The following ARHGAP29 variants were observed in gnomAD, a reference collection of about 807,000 sequenced individuals.
ARHGAP29 encodes Rho GTPase activating protein 29, also known as rho GTPase-activating protein 29.
In ARHGAP29, 43 loss-of-function variants were observed where a neutral mutation model predicts 122.6. That is an observed-to-expected ratio of 0.35 (90% CI 0.27 to 0.45). The LOEUF is 0.45. ARHGAP29 is among the 20% of genes least tolerant of loss of function. The pLI is 1.00. For synonymous variants in ARHGAP29, 506 were observed against 497.1 expected (o/e 1.02, Z -0.24); for missense variants, 1,303 against 1,477.2 (o/e 0.88, Z 1.93).
At chr1:94,310,794 G>C in the ARHGAP29 span, among the ~76,000 whole-genome samples, 6 of 152,052 alleles carry the variant, frequency 3.9e-5, no homozygotes, top group Non-Finnish European at 8.8e-5. Flanking sequence ...GGGGGCAGGA[G>C]AGGGGGAGTC....
chr1:94,253,667 C>CGCACGCACAT (rs1654211486), intron 1 of ARHGAP29, among the ~76,000 whole-genome samples: 1 of 152,058 alleles, frequency 6.6e-6, no homozygotes, highest in Admixed American at 6.6e-5. Context: ...CACGCACGCA[C>CGCACGCACAT]GCACATGCAC....
chr1:94,202,466 G>A, intron 11 of ARHGAP29, 78 bp downstream of exon 11: 1 of 1,544,734 alleles, frequency 6.5e-7, no homozygotes, highest in Non-Finnish European at 8.8e-7. Context: ...AGTCTTGGCA[G>A]ACGCAGAACT....
chr1:94,269,259 T>C (rs372447856), intron 1 of ARHGAP29, among the ~76,000 whole-genome samples: 11 of 152,336 alleles, frequency 7.2e-5, no homozygotes, highest in Admixed American at 3.9e-4. Context: ...TGTCAGGCAT[T>C]GTGCTAGGTT....
chr1:94,207,428 A>G (rs1455915514), intron 5 of ARHGAP29, among the ~76,000 whole-genome samples: 1 of 152,120 alleles, frequency 6.6e-6, no homozygotes, highest in African/African-American at 2.4e-5. Context: ...AAAAAAGTAC[A>G]AAAGAAAAAA....
the ARHGAP29 span, among the ~76,000 whole-genome samples, chr1:94,305,133 A>T: frequency 9.2e-5 from 14 of 152,356 alleles, no homozygotes; most frequent in African/African-American, 3.4e-4. Context: ...ATCATGTATA[A>T]GCCCCTAAAC....
chr1:94,274,461 G>T (rs1255851242), intron 1 of ARHGAP29, among the ~76,000 whole-genome samples: 1 of 152,178 alleles, frequency 6.6e-6, no homozygotes, highest in Admixed American at 6.5e-5. Context: ...AATTCTAACC[G>T]AGTTGAATCT....
chr1:94,286,750 T>C, the ARHGAP29 span, among the ~76,000 whole-genome samples: 1 of 152,036 alleles, frequency 6.6e-6, no homozygotes, highest in African/African-American at 2.4e-5. Flanking sequence ...GGAAATAGAA[T>C]AAACAAGGTC....
At chr1:94,310,319 A>C in the ARHGAP29 span, among the ~76,000 whole-genome samples, 1 of 152,238 alleles carries the variant, frequency 6.6e-6, no homozygotes, top group African/African-American at 2.4e-5. Context: ...CAGGTGAAGA[A>C]GGGCTTCTAC....
rs1432866683 is a variant in ARHGAP29 at position 94,171,637 on chromosome 1, A to T, written c.*2232T>A. 6.6e-6 allele frequency: 1 copy of T among 152,244 alleles called. No homozygotes were observed. The highest frequency in any genetic ancestry group is 2.4e-5 in the African/African-American group (1 of 41,466). 9.4% of individuals were successfully genotyped at this position (152,244 alleles called of 1,614,324 possible). The stretch of plus-strand genomic sequence containing the variant: ...AGAAATAGCAACCTCTTCTCAAGAG[A>T]TACTTGCCTCAGGGCCCCAGGAAAC... On this transcript the variant is annotated 3_prime_UTR_variant, in exon 23 of 23. Transcript: ENST00000260526.
intron 12 of ARHGAP29, among the ~76,000 whole-genome samples, chr1:94,197,277 T>C (rs1370927677): frequency 1.3e-5 from 2 of 151,508 alleles, no homozygotes; most frequent in African/African-American, 2.4e-5. Flanking sequence ...AAAGGACCAA[T>C]TCCATGAAAG....
At position 94,173,849 on chromosome 1, in the gene ARHGAP29, A is replaced by T. The variant is rs922612241; in HGVS notation, c.*20T>A. 4 of 1,567,630 alleles carry T rather than the reference A, an allele frequency of 2.6e-6. No individual in the cohort carries two copies. Among genetic ancestry groups the T allele is most frequent in the Non-Finnish European group, 3.5e-6 (4 of 1,156,124 alleles). Reference sequence around the variant, plus strand: ...CAAAATAACACAACAACAACAAAAAAACCCTGAAATTTGACATCCCTACAC... The same window carrying T: ...CAAAATAACACAACAACAACAAAAATACCCTGAAATTTGACATCCCTACAC... On this transcript the variant is annotated 3_prime_UTR_variant, in exon 23 of 23. Transcript: ENST00000260526.
intron 3 of ARHGAP29, among the ~76,000 whole-genome samples, chr1:94,211,104 G>A (rs1651574176): frequency 6.6e-6 from 1 of 151,368 alleles, no homozygotes; most frequent in Non-Finnish European, 1.5e-5. Context: ...GGGCAACATG[G>A]CGAAACCCCA....
At chr1:94,203,661 G>A (rs911370768) in intron 8 of ARHGAP29, among the ~76,000 whole-genome samples, 1 of 152,208 alleles carries the variant, frequency 6.6e-6, no homozygotes. Flanking sequence ...TTGAGCCTCG[G>A]GGGACAGAGG....
At chr1:94,232,198 T>C (rs568493730) in intron 1 of ARHGAP29, among the ~76,000 whole-genome samples, 1 of 152,292 alleles carries the variant, frequency 6.6e-6, no homozygotes, top group Admixed American at 6.5e-5. Context: ...GATCTATTCA[T>C]CTCTTTACTT....
intron 1 of ARHGAP29, among the ~76,000 whole-genome samples, chr1:94,246,731 AC>A (rs1653812360): frequency 6.6e-6 from 1 of 152,146 alleles, no homozygotes; most frequent in Admixed American, 6.5e-5. Context: ...CCCTGGGAAC[AC>A]CGGGTTTCTA....
At chr1:94,242,563 C>T (rs1570595727), upstream of ARHGAP29, among the ~76,000 whole-genome samples, 1 of 145,930 alleles carries the variant, frequency 6.9e-6, no homozygotes, top group South Asian at 2.2e-4. Flanking sequence ...CTAAAATCTC[C>T]AGAGATAAAG....
the ARHGAP29 span, among the ~76,000 whole-genome samples, chr1:94,287,843 T>C: frequency 3.9e-5 from 6 of 151,984 alleles, no homozygotes; most frequent in African/African-American, 1.5e-4. Context: ...ATCCTTTTTT[T>C]ATGGCTGCAT....
Position 94,173,718 on chromosome 1 carries a change from C to CCAACAGAGGATAAATACAA in ARHGAP29, c.*132_*150dup. On this transcript the variant is annotated 3_prime_UTR_variant, in exon 23 of 23. Coordinates refer to ENST00000260526, the MANE Select transcript of ARHGAP29 (RefSeq NM_004815.4). Reference sequence around the variant, plus strand: ...CAAAACATTCTACCATTCAGTATTACCAACAGAGGATAAATACAACAACAA... The same window carrying CCAACAGAGGATAAATACAA: ...CAAAACATTCTACCATTCAGTATTACCAACAGAGGATAAATACAACAACAGAGGATAAATACAACAACAA... 3 of 883,436 alleles carry CCAACAGAGGATAAATACAA rather than the reference C, an allele frequency of 3.4e-6. No homozygotes were observed. The allele number at this position is 883,436 out of a possible 1,614,324, so 54.7% of individuals were successfully genotyped here.
intron 12 of ARHGAP29, among the ~76,000 whole-genome samples, chr1:94,200,828 C>A (rs922977899): frequency 1.3e-5 from 2 of 152,178 alleles, no homozygotes; most frequent in Non-Finnish European, 1.5e-5. Context: ...CTGGAAAAGA[C>A]CAAACTCATA....
Sources: gnomAD v4.1 joint callset for allele counts (sites outside exome capture counted in the v4.1 genomes callset) on GRCh38, gnomAD v4.1.1 for gene constraint, MANE v1.5 for transcripts, NCBI Gene and HGNC (gene_info 2026-07-23, HGNC 2026-07-21) for gene names.